PIEZO1: variants seen among roughly 807,000 people sequenced by gnomAD.
PIEZO1 encodes piezo-type mechanosensitive ion channel component 1.
In PIEZO1, 296 loss-of-function variants were observed where a neutral mutation model predicts 297.2. The observed-to-expected ratio is 1.00, with a 90% CI of 0.91 to 1.10. The LOEUF (loss-of-function observed/expected upper bound fraction) is 1.10. Among genes scored for constraint, PIEZO1 ranks in the 50% least tolerant of loss-of-function variants. The probability of loss-of-function intolerance (pLI) is 0.00; values close to 1 mark genes in which losing one functional copy is unlikely to be tolerated. For synonymous variants in PIEZO1, 2,427 were observed against 1,507.5 expected, an observed-to-expected ratio of 1.61 and a Z score of -14.13; for missense variants, 5,018 against 3,455.5, an observed-to-expected ratio of 1.45 and a Z score of -11.34.
In PIEZO1 at chr16:88,736,651, G is replaced by C. The variant is rs1905237557; in HGVS notation, c.1284C>G (p.Leu428=). ...CACAGCCGCCTACCATCATGGCAAT[G>C]AGCGCGCACACATAGCTCTGGTCCA... The part of the protein sequence containing the change: ...LIMDQSYVCA[L]IAMMVWSITY... The change falls in exon 11 of 51, where the codon CTC becomes CTG. Residue 428 remains leucine (L), a synonymous_variant. Coordinates refer to ENST00000301015, the MANE Select transcript of PIEZO1 (RefSeq NM_001142864.4). The C allele has an allele frequency of 1.3e-6, 2 of 1,530,882 alleles. No individual in the cohort carries two copies. The highest frequency in any genetic ancestry group is 1.2e-5 in the South Asian group (1 of 83,810). The allele number at this position is 1,530,882 out of a possible 1,614,324, so 94.8% of individuals were successfully genotyped here.
chr16:88,732,115 G>T (rs1389175017), intron 21 of PIEZO1, among the ~76,000 whole-genome samples: 1 of 151,896 alleles, frequency 6.6e-6, no homozygotes, highest in Non-Finnish European at 1.5e-5. Flanking sequence ...TCCAGGAGGT[G>T]GGCTGTACAG....
chr16:88,737,517 G>C (rs955980306), intron 10 of PIEZO1, 42 bp downstream of exon 10: 82 of 1,361,844 alleles, frequency 6.0e-5, no homozygotes, highest in South Asian at 2.9e-4. Context: ...CCTCCGCCCC[G>C]CCCCCCGCAC....
At chr16:88,748,971 C>T (rs1186266529) in intron 2 of PIEZO1, among the ~76,000 whole-genome samples, 5 of 139,780 alleles carry the variant, frequency 3.6e-5, no homozygotes, top group Admixed American at 7.4e-5. Context: ...GGCGCGGTGG[C>T]TCACGTCTGT....
chr16:88,746,151 C>T (rs1269728475), intron 2 of PIEZO1, among the ~76,000 whole-genome samples: 1 of 152,194 alleles, frequency 6.6e-6, no homozygotes, highest in African/African-American at 2.4e-5. Context: ...CCAGCGACAG[C>T]TAGGGCTGAG....
chr16:88,732,831 G>C lies in PIEZO1; in HGVS notation c.2665-99C>G, dbSNP rs866064056. 5 of 1,187,882 alleles carry C rather than the reference G, an allele frequency of 4.2e-6. No individual in the cohort carries two copies. In the South Asian group the frequency reaches 8.0e-5, roughly 19 times the overall value. 73.6% of individuals were successfully genotyped at this position (1,187,882 alleles called of 1,614,324 possible). ...GCCACAGCTCTGGGGCAGGTCCACT[G>C]CTCCCCAGCCAGGGACACGGGGGCT... On this transcript the variant is annotated intron_variant, in intron 19 of 50. Transcript: ENST00000301015.
Position 88,721,986 on chromosome 16 carries a change from ACGGCCCGCAGCAGCCGCAGCGCC to A in PIEZO1, c.5013_5035del (p.Ala1672ValfsTer101). 1.3e-6 allele frequency: 2 copies of A among 1,549,754 alleles called. No homozygotes were observed. The highest frequency in any genetic ancestry group is 1.7e-6 in the Non-Finnish European group (2 of 1,146,786). ...CGAGTGGGCGGCCACACACTGGTAC[ACGGCCCGCAGCAGCCGCAGCGCC>A]CGGCCCTGCCCCTCCGCAAACAGCT... On this transcript the variant is annotated frameshift_variant, in exon 37 of 51. Transcript: ENST00000301015. LOFTEE classifies it high-confidence loss of function.
Position 88,725,064 on chromosome 16 carries a change from C to T in PIEZO1, c.4179G>A (p.Gly1393=), listed in dbSNP as rs1195159940. The T allele has an allele frequency of 6.6e-7, 1 of 1,509,846 alleles. No homozygotes were observed. The highest frequency in any genetic ancestry group is 1.3e-5 in the South Asian group (1 of 77,810). 93.5% of individuals were successfully genotyped at this position (1,509,846 alleles called of 1,614,324 possible). The change falls in exon 30 of 51, where the codon GGG becomes GGA. Residue 1393 remains glycine, a synonymous_variant. Transcript: ENST00000301015. ...PGLEPGPDSP[G]GSSPPRRQWW... is the part of the protein sequence containing the mutation. ...ACTGCCTCCGTGGCGGGGAGGAGCCCCCTGGACTGTCGGGCCCTGTGGAGG... is the reference window on the plus strand; with the variant it reads ...ACTGCCTCCGTGGCGGGGAGGAGCCTCCTGGACTGTCGGGCCCTGTGGAGG...
In PIEZO1 at chr16:88,781,685, G is replaced by A. The variant is rs115928839; in HGVS notation, c.64+3216C>T. Among the ~76,000 whole-genome samples the A allele has an allele frequency of 1.1e-3, 163 of 152,358 alleles. 3 individuals carry two copies. Among genetic ancestry groups the A allele is most frequent in the African/African-American group, 3.6e-3 (149 of 41,576 alleles). On this transcript the variant is annotated intron_variant, in intron 1 of 50. Transcript: ENST00000301015. ...GGGTTCTGTGCAGGTCCTGAGACCC[G>A]GGCACAGGCCTCCGAAGGGTGACTC... is the stretch of plus-strand genomic sequence containing the variant.
In PIEZO1 at chr16:88,717,465, C is replaced by T. The variant is rs527971383; in HGVS notation, c.6472-254G>A. On this transcript the variant is annotated intron_variant, in intron 44 of 50. Coordinates refer to ENST00000301015, the MANE Select transcript of PIEZO1 (RefSeq NM_001142864.4). ...AGTGGGAACGGACAACCTTTTTCAA[C>T]ACGGTGCAGGCACCGCCCCAGGCAG... 470 of 605,296 alleles carry T rather than the reference C, an allele frequency of 7.8e-4. 5 individuals are homozygous for T. The highest frequency in any genetic ancestry group is 2.3e-4 in the Non-Finnish European group (75 of 327,780). The allele number at this position is 605,296 out of a possible 1,614,324, so 37.5% of individuals were successfully genotyped here.
chr16:88,731,660 C>A, intron 22 of PIEZO1, 46 bp downstream of exon 22: 1 of 1,470,772 alleles, frequency 6.8e-7, no homozygotes, highest in Non-Finnish European at 9.3e-7. Context: ...CACGGGCATC[C>A]ACAAAGCCAC....
rs780789818 is a variant in PIEZO1 at position 88,720,083 on chromosome 16, G to A, written c.6150C>T (p.Pro2050=). 1.8e-4 allele frequency: 275 copies of A among 1,550,314 alleles called. No individual in the cohort carries two copies. Among genetic ancestry groups the A allele is most frequent in the East Asian group, 2.2e-4 (9 of 40,922 alleles). The change falls in exon 42 of 51, where the codon CCC becomes CCT. Residue 2050 remains proline (P), a synonymous_variant. Transcript: ENST00000301015. The part of the protein sequence containing the change: ...AIHLWMFFIL[P]AVTERMFNQN... ...CGTGGGCCCACCTCTCAGTGACGGC[G>A]GGCAGGATGAAGAACATCCATAGGT...
chr16:88,721,862 C>G lies in PIEZO1; in HGVS notation c.5160G>C (p.Leu1720=). ...LPVLVFLWAM[L]SIPRPSKRFW... ...AGCGCTTGCTGGGCCTCGGGATCGACAGCATGGCCCACAGGAAGACGAGCA... is the reference window on the plus strand; with the variant it reads ...AGCGCTTGCTGGGCCTCGGGATCGAGAGCATGGCCCACAGGAAGACGAGCA... The change falls in exon 37 of 51, where the codon CTG becomes CTC. Residue 1720 remains leucine, a synonymous_variant. Coordinates refer to ENST00000301015, the MANE Select transcript of PIEZO1 (RefSeq NM_001142864.4). The G allele has an allele frequency of 2.6e-6, 4 of 1,549,932 alleles. No homozygotes were observed. In the South Asian group the frequency reaches 4.8e-5, roughly 18 times the overall value.
chr16:88,753,945 C>T (rs11076712), intron 1 of PIEZO1, among the ~76,000 whole-genome samples: 39,942 of 152,134 alleles, frequency 0.26, 5,512 homozygotes, highest in South Asian at 0.4. Flanking sequence ...ATCCAAGGAG[C>T]GGGGACAGGA....
At chr16:88,765,534 C>A (rs1404045998) in intron 1 of PIEZO1, among the ~76,000 whole-genome samples, 4 of 152,184 alleles carry the variant, frequency 2.6e-5, no homozygotes, top group Non-Finnish European at 4.4e-5. Flanking sequence ...TCTTGCCCTC[C>A]CAGTGGATGC....
At position 88,725,522 on chromosome 16, in the gene PIEZO1, G is replaced by A; in HGVS notation, c.4059-3C>T. 6.5e-7 allele frequency: 1 copy of A among 1,538,662 alleles called. No homozygotes were observed. On this transcript the variant is annotated splice_region_variant and splice_polypyrimidine_tract_variant and intron_variant, in intron 28 of 50. Transcript: ENST00000301015. The stretch of plus-strand genomic sequence containing the variant: ...GCTTGGCACGGATACGCTCCATCCT[G>A]TGGTGGGGAAAGGTGGGGTATGCTG...
rs1028389913 is a variant in PIEZO1 at position 88,724,999 on chromosome 16, T to C, written c.4234+10A>G. ...GAGAGGGTGGCCACAGGCGGCCTAA[T>C]TGGGGGTACCTGTGGCGTGGTCCAG... On this transcript the variant is annotated intron_variant, in intron 30 of 50. Transcript: ENST00000301015. 6.8e-6 allele frequency: 10 copies of C among 1,460,296 alleles called. No individual in the cohort carries two copies. Among genetic ancestry groups the C allele is most frequent in the Admixed American group, 2.8e-5 (1 of 35,164 alleles). The allele number at this position is 1,460,296 out of a possible 1,614,324, so 90.5% of individuals were successfully genotyped here. A position where few individuals can be genotyped will look rare whatever the true frequency, so the allele number is the denominator to read the frequency against.
chr16:88,777,097 C>T (rs1452839584), intron 1 of PIEZO1, among the ~76,000 whole-genome samples: 1 of 152,180 alleles, frequency 6.6e-6, no homozygotes, highest in Non-Finnish European at 1.5e-5. Context: ...CTCAGCCTCC[C>T]GAGTAGCTAG....
intron 38 of PIEZO1, 48 bp downstream of exon 38, chr16:88,721,490 C>T: frequency 1.9e-6 from 3 of 1,538,596 alleles, no homozygotes; most frequent in Non-Finnish European, 2.6e-6. Context: ...GCACAGGTGC[C>T]CAGAGGGCCT....
chr16:88,726,942 G>C lies in PIEZO1; in HGVS notation c.3472C>G (p.Leu1158Val). 4 of 1,550,408 alleles carry C rather than the reference G, an allele frequency of 2.6e-6. No individual in the cohort carries two copies. Among genetic ancestry groups the C allele is most frequent in the Non-Finnish European group, 3.5e-6 (4 of 1,146,898 alleles). ...AGGTATCGGAAGACGGCCACCTTCA[G>C]CATGTCAAGGTAGGACCTGCCAGGC... ...FIHCRSYLDM[L>V]KVAVFRYLFW... The change falls in exon 25 of 51, where the codon CTG becomes GTG. Residue 1158 changes from leucine (L) to valine (V), a missense_variant. Coordinates refer to ENST00000301015, the MANE Select transcript of PIEZO1 (RefSeq NM_001142864.4).
Sources: allele counts gnomAD v4.1 joint callset (sites outside exome capture counted in the v4.1 genomes callset), GRCh38; gene constraint gnomAD v4.1.1; transcripts MANE v1.5; gene names NCBI Gene and HGNC (gene_info 2026-07-23, HGNC 2026-07-21).